The following SETDB1 variants were observed in gnomAD, a reference collection of about 807,000 sequenced individuals.
SETDB1 encodes SET domain bifurcated histone lysine methyltransferase 1.
SETDB1 carries 31 observed loss-of-function variants against 137.4 expected under a neutral mutation model. The observed-to-expected ratio is 0.23, with a 90% CI of 0.17 to 0.30. SETDB1 has a LOEUF of 0.30. SETDB1 is among the 10% of genes least tolerant of loss of function. The probability of loss-of-function intolerance (pLI) is 1.00; values close to 1 mark genes in which losing one functional copy is unlikely to be tolerated. For missense variants in SETDB1, 1,113 were observed against 1,631.5 expected, an observed-to-expected ratio of 0.68 and a Z score of 5.47; for synonymous variants, 548 against 579.9, an observed-to-expected ratio of 0.95 and a Z score of 0.79.
chr1:150,942,336 A>G (rs942939773), intron 5 of SETDB1, among the ~76,000 whole-genome samples: 2 of 149,912 alleles, frequency 1.3e-5, no homozygotes, highest in Non-Finnish European at 3.0e-5. Flanking sequence ...AGTCCCAGCT[A>G]CTCGGGAGGC....
Position 150,962,154 on chromosome 1 carries a change from T to A in SETDB1, c.3157T>A (p.Ser1053Thr). Residue 1053 changes from serine (S) to threonine (T), a missense_variant, in exon 17 of 22, where the codon TCA becomes ACA. Ser to Thr is a moderately conservative substitution (Grantham distance 58). Transcript: ENST00000692827. ...GGACACTGACGACCGAAACAAGATG[T>A]CAGTGTAAGTGCCTTTTGTTTTGTT... ...KEDTDDRNKM[S>T]VVTESSRNYG... 6.2e-7 allele frequency: 1 copy of A among 1,614,030 alleles called. No individual in the cohort carries two copies. The highest frequency in any genetic ancestry group is 8.5e-7 in the Non-Finnish European group (1 of 1,179,900).
chr1:150,964,612 C>T lies in SETDB1; in HGVS notation c.*248C>T. ...ACTCTAACCTCGGCCTGACATCCCT[C>T]CCATCCCATATTTGTCCAAGTGTTC... On this transcript the variant is annotated 3_prime_UTR_variant, in exon 22 of 22. Transcript: ENST00000692827. 1 of 654,616 alleles carries T rather than the reference C, an allele frequency of 1.5e-6. No homozygotes were observed. The highest frequency in any genetic ancestry group is 2.8e-6 in the Non-Finnish European group (1 of 360,366). 40.6% of individuals were successfully genotyped at this position (654,616 alleles called of 1,614,324 possible).
intron 8 of SETDB1, 43 bp from the exon 9 acceptor site, chr1:150,944,875 A>G (rs764144719): frequency 1.3e-5 from 21 of 1,606,964 alleles, no homozygotes; most frequent in African/African-American, 2.7e-5. Flanking sequence ...CTATCAAGAC[A>G]TGCCCTACCT....
intron 12 of SETDB1, 109 bp from the exon 13 acceptor site, chr1:150,950,349 G>C: frequency 1.1e-6 from 1 of 947,308 alleles, no homozygotes; most frequent in Non-Finnish European, 1.6e-6. Context: ...TTAGCTTCAG[G>C]AGCACAGCTG....
rs1263025171 is a variant in SETDB1, at chr1:150,950,576, C to G, written c.1702C>G (p.Pro568Ala). 2 of 1,614,046 alleles carry G rather than the reference C, an allele frequency of 1.2e-6. No individual in the cohort carries two copies. Among genetic ancestry groups the G allele is most frequent in the Non-Finnish European group, 8.5e-7 (1 of 1,180,054 alleles). ...CCCAGCAGAGCCCTCCTACCGTGCT[C>G]CCATGGAGAAGCTTTTCTACTTACC... ...RAPAEPSYRAPMEKLFYLPHV... is the reference protein window; with the variant it reads ...RAPAEPSYRAAMEKLFYLPHV... Residue 568 changes from proline to alanine, a missense_variant, in exon 13 of 22, where the codon CCC becomes GCC. This residue lies in a region of SETDB1 where 192 missense variants were observed against 198.1 expected (regional missense o/e 0.97). Coordinates refer to ENST00000692827, the MANE Select transcript of SETDB1 (RefSeq NM_001366418.1).
intron 20 of SETDB1, 36 bp from the exon 21 acceptor site, chr1:150,963,959 C>T: frequency 1.3e-6 from 2 of 1,592,334 alleles, no homozygotes; most frequent in Non-Finnish European, 1.7e-6. Context: ...GTTCAGTTTC[C>T]CTGGTTCTTA....
At chr1:150,944,828 T>TA in intron 8 of SETDB1, 90 bp from the exon 9 acceptor site, 1 of 1,437,664 alleles carries the variant, frequency 7.0e-7, no homozygotes, top group Non-Finnish European at 9.4e-7. Context: ...CTTTTCAACT[T>TA]AAAAAGTATC....
chr1:150,944,096 C>A (rs1304972216), intron 8 of SETDB1, 103 bp downstream of exon 8: 4 of 835,458 alleles, frequency 4.8e-6, no homozygotes, highest in East Asian at 4.9e-5. Context: ...GTATTTCAGT[C>A]TCAAAGAGCA....
chr1:150,940,880 C>G (rs1670119969), intron 4 of SETDB1, among the ~76,000 whole-genome samples: 1 of 151,812 alleles, frequency 6.6e-6, no homozygotes, highest in South Asian at 2.1e-4. Flanking sequence ...TGCCTGTAGT[C>G]CCAGCTGCTT....
chr1:150,926,971 C>CT (rs1558008057), intron 1 of SETDB1, among the ~76,000 whole-genome samples: 4 of 152,316 alleles, frequency 2.6e-5, no homozygotes, highest in African/African-American at 7.2e-5. Context: ...AGAGAAAACA[C>CT]TGAGTTAGTG....
chr1:150,960,788 A>G lies in SETDB1; in HGVS notation c.2729A>G (p.Asn910Ser). 6.2e-7 allele frequency: 1 copy of G among 1,609,828 alleles called. No individual in the cohort carries two copies. The highest frequency in any genetic ancestry group is 8.5e-7 in the Non-Finnish European group (1 of 1,178,052). ...TCCAATGATGATAGCTCAGATGATA[A>G]CTTCTGTAAGGATGAGGACTTCAGC... ...EESNDDSSDD[N>S]FCKDEDFSTS... Residue 910 changes from asparagine to serine, a missense_variant, in exon 16 of 22, where the codon AAC becomes AGC. By Grantham distance (46) the Asn-to-Ser change is conservative. Transcript: ENST00000692827.
At chr1:150,936,494 T>C (rs1375691743) in intron 3 of SETDB1, among the ~76,000 whole-genome samples, 1 of 152,236 alleles carries the variant, frequency 6.6e-6, no homozygotes, top group East Asian at 1.9e-4. Flanking sequence ...CAGCATGGTA[T>C]TCCATTGTAT....
At chr1:150,958,259 T>TC (rs1670713299) in intron 14 of SETDB1, among the ~76,000 whole-genome samples, 1 of 145,900 alleles carries the variant, frequency 6.9e-6, no homozygotes, top group Admixed American at 6.8e-5. Context: ...TTTTTCTTTT[T>TC]TTTTTTTTTT....
chr1:150,955,886 C>T (rs587740975), intron 14 of SETDB1, among the ~76,000 whole-genome samples: 11 of 148,946 alleles, frequency 7.4e-5, no homozygotes, highest in Middle Eastern at 4.0e-3. Flanking sequence ...GTCAGGAGTT[C>T]GAGACCAGCC....
intron 19 of SETDB1, 138 bp downstream of exon 19, chr1:150,963,277 A>C: frequency 1.2e-6 from 1 of 803,914 alleles, no homozygotes. Context: ...GGGCTTTCTG[A>C]CTCCAAGCTA....
At chr1:150,942,205 C>G (rs2102689767) in intron 5 of SETDB1, among the ~76,000 whole-genome samples, 1 of 151,554 alleles carries the variant, frequency 6.6e-6, no homozygotes, top group Non-Finnish European at 1.5e-5. Flanking sequence ...CTTTGGGAGA[C>G]CGAGGCAGGC....
chr1:150,962,420 G>A (rs1420341235), intron 17 of SETDB1, among the ~76,000 whole-genome samples, 167 bp from the exon 18 acceptor site: 1 of 152,038 alleles, frequency 6.6e-6, no homozygotes, highest in Non-Finnish European at 1.5e-5. Context: ...GCTCCCAAAG[G>A]GGATCCTCAG....
chr1:150,947,557 T>G (rs1057301795), intron 10 of SETDB1, among the ~76,000 whole-genome samples: 17 of 152,244 alleles, frequency 1.1e-4, no homozygotes, highest in African/African-American at 4.1e-4. Context: ...GGTGGTTTGC[T>G]TGAGCTGAGG....
At chr1:150,932,552 G>A (rs1002059784) in intron 3 of SETDB1, among the ~76,000 whole-genome samples, 1 of 152,216 alleles carries the variant, frequency 6.6e-6, no homozygotes, top group East Asian at 1.9e-4. Context: ...TAGTACATAT[G>A]TCAAAACTAA....
Sources: allele counts gnomAD v4.1 joint callset (sites outside exome capture counted in the v4.1 genomes callset), GRCh38; gene constraint gnomAD v4.1.1; regional missense constraint gnomAD v4.1.1; transcripts MANE v1.5; gene names NCBI Gene and HGNC (gene_info 2026-07-23, HGNC 2026-07-21).